Variants in NAB1 observed in about 807,000 individuals in gnomAD.
NAB1 encodes the protein NGFI-A binding protein 1.
Under a neutral mutation model 49.9 loss-of-function variants are expected in NAB1, and 25 were observed. The ratio of observed to expected loss-of-function variants is 0.50; its 90% CI spans 0.37 to 0.70. The LOEUF (loss-of-function observed/expected upper bound fraction) is 0.70, where lower values mean the gene tolerates loss of function less well. Among genes scored for constraint, NAB1 ranks in the 30% least tolerant of loss-of-function variants. NAB1 has a pLI of 0.00. For missense variants in NAB1, 489 were observed against 575.9 expected, an observed-to-expected ratio of 0.85 and a Z score of 1.54; for synonymous variants, 198 against 215.6, an observed-to-expected ratio of 0.92 and a Z score of 0.71.
intron 4 of NAB1, among the ~76,000 whole-genome samples, chr2:190,661,796 A>G (rs1694241246): frequency 6.6e-6 from 1 of 152,192 alleles, no homozygotes; most frequent in Admixed American, 6.5e-5. Flanking sequence ...AACTTAACTT[A>G]GGCCTTCTTG....
chr2:190,687,222 G>A lies in NAB1; in HGVS notation c.1280G>A (p.Arg427Gln), dbSNP rs550425927. The change falls in exon 9 of 10, where the codon CGA (arginine) becomes CAA (glutamine). Residue 427 changes from arginine to glutamine, a missense_variant. Physicochemically the swap from Arg to Gln is conservative, Grantham distance 43. Coordinates refer to ENST00000337386, the MANE Select transcript of NAB1 (RefSeq NM_005966.4). ...DGQGERPLNL[R>Q]MPNLQNRQPH... ...TTAGGAGAAAGACCTTTGAATCTCC[G>A]AATGCCTAATTTACAGAACAGACAA... 32 of 1,582,474 alleles carry A rather than the reference G, an allele frequency of 2.0e-5. No individual in the cohort carries two copies. In the East Asian group the frequency reaches 2.6e-4, roughly 13 times the overall value.
At position 190,685,287 on chromosome 2, in the gene NAB1, A is replaced by C. The variant is rs1444370296; in HGVS notation, c.1096-189A>C. Among the ~76,000 whole-genome samples the C allele has an allele frequency of 6.6e-6, 1 of 152,224 alleles. No homozygotes were observed. Among genetic ancestry groups the C allele is most frequent in the Non-Finnish European group, 1.5e-5 (1 of 68,034 alleles). ...AGCTTTTATCTTTTGTACAATATCCAGCCTTTTATGTTTTAACATGATGAT... is the reference window on the plus strand; with the variant it reads ...AGCTTTTATCTTTTGTACAATATCCCGCCTTTTATGTTTTAACATGATGAT... On this transcript the variant is annotated intron_variant, in intron 7 of 9. Coordinates refer to ENST00000337386, the MANE Select transcript of NAB1 (RefSeq NM_005966.4). This position sits in a 1 kb window ranked among gnomAD's most constrained non-coding sequence, Gnocchi z 4.5.
At position 190,682,962 on chromosome 2, in the gene NAB1, GA is replaced by G. The variant is rs1237911082; in HGVS notation, c.1006-772del. 6.6e-6 allele frequency among the ~76,000 whole-genome samples: 1 copy of G among 152,116 alleles called. No individual in the cohort carries two copies. Among genetic ancestry groups the G allele is most frequent in the Non-Finnish European group, 1.5e-5 (1 of 68,010 alleles). On this transcript the variant is annotated intron_variant, in intron 6 of 9. Coordinates refer to ENST00000337386, the MANE Select transcript of NAB1 (RefSeq NM_005966.4). This position sits in a 1 kb window ranked among gnomAD's most constrained non-coding sequence, Gnocchi z 4.1. ...TTTGTAGTAGATAATCTAAGCTATC[GA>G]AAATGCTATCTCCATGAAAATATTT...
chr2:190,660,274 T>C lies in NAB1; in HGVS notation c.819+279T>C, dbSNP rs145724892. On this transcript the variant is annotated intron_variant, in intron 4 of 9. Transcript: ENST00000337386. The stretch of plus-strand genomic sequence containing the variant: ...GAATTTAAGCAGTGAAAGCGTAAAG[T>C]CTTTGCATTTGTAAGGCTGTTTGTT... Among the ~76,000 whole-genome samples, 16 of 152,344 alleles carry C rather than the reference T, an allele frequency of 1.1e-4. No homozygotes were observed. The East Asian group carries it at 1.9e-3, about 18-fold the overall frequency.
chr2:190,655,984 CA>C lies in NAB1; in HGVS notation c.-188del, dbSNP rs1334512750. 1 of 152,230 alleles carries C rather than the reference CA, an allele frequency of 6.6e-6. No homozygotes were observed. Among genetic ancestry groups the C allele is most frequent in the Non-Finnish European group, 1.5e-5 (1 of 68,048 alleles). The allele number at this position is 152,230 out of a possible 1,614,324, so 9.4% of individuals were successfully genotyped here. A position where few individuals can be genotyped will look rare whatever the true frequency, so the allele number is the denominator to read the frequency against. On this transcript the variant is annotated 5_prime_UTR_variant, in exon 3 of 10. The change abolishes the stop of an existing upstream ORF in the 5' untranslated region. Transcript: ENST00000337386. ...TTGGGATTCTTTTTATAGGACTGAG[CA>C]GGGGGAGGAACATTTAAGCTGATGG...
chr2:190,658,555 T>C (rs1311084652), intron 3 of NAB1, among the ~76,000 whole-genome samples: 1 of 152,196 alleles, frequency 6.6e-6, no homozygotes, highest in African/African-American at 2.4e-5. Context: ...TTGTTTGACT[T>C]TTCTCTACCT....
At position 190,659,518 on chromosome 2, in the gene NAB1, T is replaced by C. The variant is rs776979862; in HGVS notation, c.342T>C (p.Tyr114=). 7 of 1,614,166 alleles carry C rather than the reference T, an allele frequency of 4.3e-6. No individual in the cohort carries two copies. The highest frequency in any genetic ancestry group is 2.2e-5 in the East Asian group (1 of 44,872). ...PTWLGISCSS[Y]ERSSNAREPH... is the part of the protein sequence containing the mutation. ...GGCTGGGAATATCCTGCAGTAGTTA[T>C]GAAAGGAGTAGCAATGCCCGGGAAC... Residue 114 remains tyrosine (Y), a synonymous_variant, in exon 4 of 10, where the codon TAT becomes TAC. Transcript: ENST00000337386. This position sits in a 1 kb window ranked among gnomAD's most constrained non-coding sequence, Gnocchi z 6.2.
chr2:190,687,348 C>T (rs1695661779), intron 9 of NAB1, 31 bp downstream of exon 9: 2 of 942,128 alleles, frequency 2.1e-6, no homozygotes, highest in South Asian at 3.2e-5. Context: ...GAGAGGGTAA[C>T]ACTTGAATAA....
chr2:190,685,636 A>G lies in NAB1; in HGVS notation c.1256A>G (p.Gln419Arg). 1 of 1,602,434 alleles carries G rather than the reference A, an allele frequency of 6.2e-7. No homozygotes were observed. The highest frequency in any genetic ancestry group is 8.5e-7 in the Non-Finnish European group (1 of 1,174,892). Residue 419 changes from glutamine (Q) to arginine (R), a missense_variant and splice_region_variant, in exon 8 of 10, where the codon CAA (glutamine) becomes CGA (arginine). Physicochemically the swap from Gln to Arg is conservative, Grantham distance 43. Around this residue, in one of 4 missense-constraint regions of NAB1, gnomAD observed 212 missense variants for 199.3 expected, o/e 1.06. Transcript: ENST00000337386. The surrounding 1 kb of genome is among the most constrained non-coding windows in gnomAD (Gnocchi z 4.5). ...NGLTSDNSDG[Q>R]GERPLNLRMP... ...TTGACTTCCGATAACTCAGATGGAC[A>G]AGGTACATCTTTAGAATATCCTATG...
intron 2 of NAB1, among the ~76,000 whole-genome samples, chr2:190,653,145 C>T (rs1025141299): frequency 2.0e-5 from 3 of 152,126 alleles, no homozygotes; most frequent in African/African-American, 7.2e-5. Flanking sequence ...TTCAGCCTCT[C>T]GTGTACCCAT....
In NAB1 at chr2:190,686,052, G is replaced by T. The variant is rs1440775194; in HGVS notation, c.1258+414G>T. ...TGGTTCTTAAAAGAATATGGTGACT[G>T]CATCTAAAGTGTTATGACAGAGTAC... On this transcript the variant is annotated intron_variant, in intron 8 of 9. Coordinates refer to ENST00000337386, the MANE Select transcript of NAB1 (RefSeq NM_005966.4). This position sits in a 1 kb window ranked among gnomAD's most constrained non-coding sequence, Gnocchi z 5.5. Among the ~76,000 whole-genome samples, 1 of 152,222 alleles carries T rather than the reference G, an allele frequency of 6.6e-6. No homozygotes were observed. The highest frequency in any genetic ancestry group is 2.4e-5 in the African/African-American group (1 of 41,456).
intron 3 of NAB1, 126 bp downstream of exon 3, chr2:190,656,279 T>C (rs1189608799): frequency 6.6e-6 from 1 of 152,250 alleles, no homozygotes; most frequent in Admixed American, 6.5e-5. Flanking sequence ...TTTTGACTTA[T>C]TTGACCTTCA....
At chr2:190,662,663 G>A (rs1199852022) in intron 4 of NAB1, among the ~76,000 whole-genome samples, 1 of 152,162 alleles carries the variant, frequency 6.6e-6, no homozygotes. Context: ...GAATGGATGA[G>A]GAGAGAGCAA....
At position 190,679,009 on chromosome 2, in the gene NAB1, C is replaced by T. The variant is rs1414357881; in HGVS notation, c.1006-4729C>T. On this transcript the variant is annotated intron_variant, in intron 6 of 9. Transcript: ENST00000337386. This position sits in a 1 kb window ranked among gnomAD's most constrained non-coding sequence, Gnocchi z 5.3. ...GGGATGAGAGTAATTAGGTCATGCA[C>T]CAGCCTCCGTCCCATAGCTTTTATT... Among the ~76,000 whole-genome samples, 1 of 152,162 alleles carries T rather than the reference C, an allele frequency of 6.6e-6. No homozygotes were observed. Among genetic ancestry groups the T allele is most frequent in the Non-Finnish European group, 1.5e-5 (1 of 68,022 alleles).
rs749211327 is a variant in NAB1, at chr2:190,659,131, T to G, written c.-19-27T>G. The G allele has an allele frequency of 8.3e-6, 12 of 1,450,850 alleles. No homozygotes were observed. Among genetic ancestry groups the G allele is most frequent in the Non-Finnish European group, 1.1e-5 (12 of 1,068,198 alleles). The allele number at this position is 1,450,850 out of a possible 1,614,324, so 89.9% of individuals were successfully genotyped here. A position where few individuals can be genotyped will look rare whatever the true frequency, so the allele number is the denominator to read the frequency against. On this transcript the variant is annotated intron_variant, in intron 3 of 9. Coordinates refer to ENST00000337386, the MANE Select transcript of NAB1 (RefSeq NM_005966.4). The surrounding 1 kb of genome is among the most constrained non-coding windows in gnomAD (Gnocchi z 6.2). ...GGAGTTTGAAGCAAGTATGATGAGT[T>G]TTTACTTTTTTTTTTTTTTTTGGCA...
Position 190,652,583 on chromosome 2 carries a change from A to G in NAB1, c.-197+2601A>G, listed in dbSNP as rs1170653352. Among the ~76,000 whole-genome samples the G allele has an allele frequency of 1.3e-5, 2 of 152,228 alleles. No homozygotes were observed. The highest frequency in any genetic ancestry group is 4.1e-4 in the South Asian group (2 of 4,830). ...ATTTTTTTCCAGCTTCATTCATTCC[A>G]TTCAGAATTTAGAAACGAATCAATA... On this transcript the variant is annotated intron_variant, in intron 2 of 9. Coordinates refer to ENST00000337386, the MANE Select transcript of NAB1 (RefSeq NM_005966.4). This position sits in a 1 kb window ranked among gnomAD's most constrained non-coding sequence, Gnocchi z 4.2.
chr2:190,653,677 A>G (rs1236790161), intron 2 of NAB1: 1 of 152,244 alleles, frequency 6.6e-6, no homozygotes, highest in Non-Finnish European at 1.5e-5. Context: ...TGTATGGATC[A>G]TTAATGAGAT....
At chr2:190,671,113 G>A (rs909626836) in intron 5 of NAB1, among the ~76,000 whole-genome samples, 1 of 152,158 alleles carries the variant, frequency 6.6e-6, no homozygotes, top group South Asian at 2.1e-4. Context: ...CACAGACCCC[G>A]ATTTCCAGCC....
rs927504010 is a variant in NAB1 at position 190,680,855 on chromosome 2, C to T, written c.1006-2883C>T. 6.6e-6 allele frequency among the ~76,000 whole-genome samples: 1 copy of T among 152,162 alleles called. No homozygotes were observed. The highest frequency in any genetic ancestry group is 1.5e-5 in the Non-Finnish European group (1 of 68,026). ...GAACTTAACAGATATCAGTAACAAA[C>T]ATTTATCAAGTAATTCCTATGGGCC... is the stretch of plus-strand genomic sequence containing the variant. On this transcript the variant is annotated intron_variant, in intron 6 of 9. Coordinates refer to ENST00000337386, the MANE Select transcript of NAB1 (RefSeq NM_005966.4). The surrounding 1 kb of genome is among the most constrained non-coding windows in gnomAD (Gnocchi z 5.2).
Sources: gnomAD v4.1 joint callset for allele counts (sites outside exome capture counted in the v4.1 genomes callset) on GRCh38, gnomAD v4.1.1 for gene constraint, gnomAD v4.1.1 regional missense constraint, Gnocchi (gnomAD v3.1) non-coding constraint, MANE v1.5 for transcripts, NCBI Gene and HGNC (gene_info 2026-07-23, HGNC 2026-07-21) for gene names.